MARCHF10: variants seen among roughly 807,000 people sequenced by gnomAD.
MARCHF10 encodes membrane associated ring-CH-type finger 10.
A neutral mutation model predicts 76.2 loss-of-function variants in MARCHF10; 64 were observed. That is an observed-to-expected ratio of 0.84 (90% CI 0.69 to 1.03). MARCHF10 has a LOEUF of 1.03. MARCHF10 is among the 50% of genes least tolerant of loss of function. The pLI, the probability that MARCHF10 is intolerant of heterozygous loss-of-function variation, is 0.00. For missense variants in MARCHF10, 875 were observed against 958.0 expected (o/e 0.91, Z 1.14); for synonymous variants, 340 against 357.5 (o/e 0.95, Z 0.55).
chr17:62,750,193 A>G (rs564689567), intron 4 of MARCHF10: 1 of 153,000 alleles, frequency 6.5e-6, no homozygotes, highest in African/African-American at 2.4e-5. Context: ...GCCTTGCAAG[A>G]GTGACTTACC....
At chr17:62,776,077 A>G (rs969912316) in intron 3 of MARCHF10, among the ~76,000 whole-genome samples, 4 of 152,222 alleles carry the variant, frequency 2.6e-5, no homozygotes, top group African/African-American at 7.2e-5. Flanking sequence ...GATTACAGGC[A>G]TGAGTCACTG....
At chr17:62,709,088 G>A (rs540563697) in intron 9 of MARCHF10, among the ~76,000 whole-genome samples, 31 of 152,304 alleles carry the variant, frequency 2.0e-4, no homozygotes, top group Admixed American at 5.2e-4. Context: ...ACATCAGGGC[G>A]TCATGTCTAG....
Position 62,736,116 on chromosome 17 carries a change from G to T in MARCHF10, c.1752C>A (p.Asn584Lys), listed in dbSNP as rs1568131243. Residue 584 changes from asparagine to lysine, a missense_variant, in exon 6 of 11, where the codon AAC (asparagine) becomes AAA (lysine). Transcript: ENST00000311269. ...CAGACACATGCAAATGGCCTTCTGA[G>T]TTCATTCTTGATGGAGAGGAGCTGG... Reference protein sequence around the residue: ...DSSSSSPSRMNSEGHLHVSGS... With the variant: ...DSSSSSPSRMKSEGHLHVSGS... 2.5e-6 allele frequency: 4 copies of T among 1,614,192 alleles called. No homozygotes were observed. Among genetic ancestry groups the T allele is most frequent in the Non-Finnish European group, 3.4e-6 (4 of 1,180,032 alleles).
At chr17:62,742,014 T>C (rs1475498054) in intron 5 of MARCHF10, among the ~76,000 whole-genome samples, 1 of 76,738 alleles carries the variant, frequency 1.3e-5, no homozygotes, top group Non-Finnish European at 2.3e-5. Context: ...CTGTTTTTTT[T>C]TCTTTTTTTC....
chr17:62,806,443 CTTAAT>C (rs1440994127), intron 1 of MARCHF10: 1 of 152,198 alleles, frequency 6.6e-6, no homozygotes, highest in Non-Finnish European at 1.5e-5. Flanking sequence ...TGAACTGCTT[CTTAAT>C]TTAAAACCCA....
chr17:62,769,835 A>AT (rs1427106747), intron 3 of MARCHF10, among the ~76,000 whole-genome samples: 3 of 151,446 alleles, frequency 2.0e-5, no homozygotes, highest in South Asian at 2.1e-4. Context: ...GTTTTATTCA[A>AT]TTTTTTTTGT....
At chr17:62,783,205 T>G (rs1323034728) in intron 3 of MARCHF10, among the ~76,000 whole-genome samples, 3 of 147,780 alleles carry the variant, frequency 2.0e-5, no homozygotes, top group Non-Finnish European at 3.0e-5. Flanking sequence ...TTTTTTTTTT[T>G]TTTTTTTTTT....
chr17:62,780,711 G>T (rs535055860), intron 3 of MARCHF10, among the ~76,000 whole-genome samples: 1 of 152,308 alleles, frequency 6.6e-6, no homozygotes, highest in East Asian at 1.9e-4. Context: ...TCCCCATGAA[G>T]TAAATGCAGT....
At chr17:62,742,780 C>T (rs961198027) in intron 5 of MARCHF10, among the ~76,000 whole-genome samples, 3 of 151,484 alleles carry the variant, frequency 2.0e-5, no homozygotes, top group Non-Finnish European at 4.4e-5. Flanking sequence ...TGCACTGCAG[C>T]CTCGATGTCC....
At chr17:62,701,971 C>T (rs2089267601) in intron 10 of MARCHF10, among the ~76,000 whole-genome samples, 2 of 152,148 alleles carry the variant, frequency 1.3e-5, no homozygotes, top group South Asian at 4.1e-4. Context: ...TCAGCCACAC[C>T]AGCTTCCCCC....
intron 8 of MARCHF10, among the ~76,000 whole-genome samples, chr17:62,713,694 T>C (rs1379325301): frequency 6.6e-6 from 1 of 152,214 alleles, no homozygotes; most frequent in African/African-American, 2.4e-5. Context: ...CAGGGCCAAA[T>C]GAACGAGGTT....
At chr17:62,769,087 T>A (rs1212186983) in intron 3 of MARCHF10, among the ~76,000 whole-genome samples, 1 of 152,216 alleles carries the variant, frequency 6.6e-6, no homozygotes, top group Non-Finnish European at 1.5e-5. Context: ...TCAGTTCAAT[T>A]GTTTTGGGTG....
chr17:62,788,048 T>A (rs1484062424), intron 3 of MARCHF10, among the ~76,000 whole-genome samples: 1 of 152,228 alleles, frequency 6.6e-6, no homozygotes, highest in East Asian at 1.9e-4. Flanking sequence ...ATTACCACAT[T>A]TTACTCTCTT....
At chr17:62,783,998 G>A (rs2092706092) in intron 3 of MARCHF10, among the ~76,000 whole-genome samples, 1 of 152,202 alleles carries the variant, frequency 6.6e-6, no homozygotes, top group Admixed American at 6.5e-5. Context: ...AATAGAAAAA[G>A]AGGGAATCCT....
intron 2 of MARCHF10, among the ~76,000 whole-genome samples, chr17:62,797,463 C>T (rs1341561022): frequency 1.3e-5 from 2 of 152,168 alleles, no homozygotes; most frequent in African/African-American, 4.8e-5. Flanking sequence ...CTTGGCCTCC[C>T]AAAGTGCTGG....
rs376963369 is a variant in MARCHF10, at chr17:62,736,681, G to C, written c.1187C>G (p.Ala396Gly). ...GTCCCACGAAAGAGGGCTCTTTTTCGCATTTTCACTGCCACCTCTGTCCTT... is the reference window on the plus strand; with the variant it reads ...GTCCCACGAAAGAGGGCTCTTTTTCCCATTTTCACTGCCACCTCTGTCCTT... ...TEKDRGGSEN[A>G]KKSPLSWDTK... The change falls in exon 6 of 11, where the codon GCG (alanine) becomes GGG (glycine). Residue 396 changes from alanine to glycine, a missense_variant. Ala to Gly is a moderately conservative substitution (Grantham distance 60). Coordinates refer to ENST00000311269, the MANE Select transcript of MARCHF10 (RefSeq NM_152598.4). 61 of 1,613,914 alleles carry C rather than the reference G, an allele frequency of 3.8e-5. No individual in the cohort carries two copies. Among genetic ancestry groups the C allele is most frequent in the Admixed American group, 3.5e-4 (21 of 59,986 alleles).
At chr17:62,714,018 A>G (rs2090067438) in intron 8 of MARCHF10, among the ~76,000 whole-genome samples, 1 of 152,224 alleles carries the variant, frequency 6.6e-6, no homozygotes, top group Non-Finnish European at 1.5e-5. Flanking sequence ...TGAATGTTCT[A>G]TCAAGTCTTC....
chr17:62,792,844 C>CCACCACCAT (rs1419421083), intron 2 of MARCHF10, among the ~76,000 whole-genome samples: 2 of 142,948 alleles, frequency 1.4e-5, no homozygotes, highest in African/African-American at 5.2e-5. Flanking sequence ...ACCACCACCT[C>CCACCACCAT]CACCACCACC....
Position 62,736,874 on chromosome 17 carries a change from A to C in MARCHF10, c.994T>G (p.Phe332Val). 3 of 1,613,852 alleles carry C rather than the reference A, an allele frequency of 1.9e-6. No individual in the cohort carries two copies. The highest frequency in any genetic ancestry group is 2.7e-5 in the African/African-American group (2 of 74,970). ...CTGCAATTTTCAGCATTTTCTTCAA[A>C]ATTTTTATTTTTGGCCTGAGGGGTC... is the stretch of plus-strand genomic sequence containing the variant. ...TSTPQAKNKN[F>V]EENAENCRGH... The change falls in exon 6 of 11, where the codon TTT becomes GTT. Residue 332 changes from phenylalanine (F) to valine (V), a missense_variant. Coordinates refer to ENST00000311269, the MANE Select transcript of MARCHF10 (RefSeq NM_152598.4).
Sources: allele counts gnomAD v4.1 joint callset (sites outside exome capture counted in the v4.1 genomes callset), GRCh38; gene constraint gnomAD v4.1.1; transcripts MANE v1.5; gene names NCBI Gene and HGNC (gene_info 2026-07-23, HGNC 2026-07-21).